The following CPPED1 variants were observed in gnomAD, a reference collection of about 807,000 sequenced individuals.
CPPED1 encodes calcineurin like phosphoesterase domain containing 1.
In CPPED1, 28 loss-of-function variants were observed where a neutral mutation model predicts 28.0. The ratio of observed to expected loss-of-function variants is 1.00; its 90% CI spans 0.74 to 1.37. CPPED1 has a LOEUF of 1.37. Ranked by LOEUF, CPPED1 falls within the 40% of genes most tolerant of loss-of-function variation. CPPED1 has a pLI of 0.00. For synonymous variants in CPPED1, 198 were observed against 180.2 expected, an observed-to-expected ratio of 1.10 and a Z score of -0.79; for missense variants, 504 against 416.5, an observed-to-expected ratio of 1.21 and a Z score of -1.83.
At chr16:12,715,395 C>G (rs2080102070) in intron 2 of CPPED1, among the ~76,000 whole-genome samples, 2 of 152,114 alleles carry the variant, frequency 1.3e-5, no homozygotes, top group South Asian at 4.1e-4. Context: ...TGTGGAGGCT[C>G]ACGTCTGTAA....
intron 2 of CPPED1, among the ~76,000 whole-genome samples, chr16:12,738,727 A>G (rs536241414): frequency 1.3e-5 from 2 of 152,360 alleles, no homozygotes; most frequent in South Asian, 2.1e-4. Context: ...AGCCTACCAT[A>G]CAAGGTCCTG....
Position 12,769,835 on chromosome 16 carries a change from T to C in CPPED1, c.289+11350A>G, listed in dbSNP as rs142185204. ...CATCACTCTCTTGCACGCATAGAAC[T>C]CCCTTTTTATGTTTCTCTGTGTTAA... On this transcript the variant is annotated intron_variant, in intron 2 of 3. Coordinates refer to ENST00000381774, the MANE Select transcript of CPPED1 (RefSeq NM_018340.3). Among the ~76,000 whole-genome samples, 349 of 152,314 alleles carry C rather than the reference T, an allele frequency of 2.3e-3. 2 individuals carry two copies. Among genetic ancestry groups the C allele is most frequent in the African/African-American group, 8.0e-3 (334 of 41,578 alleles).
At chr16:12,751,068 C>T (rs1298584112) in intron 2 of CPPED1, among the ~76,000 whole-genome samples, 2 of 151,506 alleles carry the variant, frequency 1.3e-5, no homozygotes, top group African/African-American at 4.8e-5. Flanking sequence ...TAAAAAAACA[C>T]AGTATCTATA....
At chr16:12,685,213 G>A (rs1256911025) in intron 3 of CPPED1, among the ~76,000 whole-genome samples, 2 of 152,250 alleles carry the variant, frequency 1.3e-5, no homozygotes. Flanking sequence ...CACTTTGGGA[G>A]GCTGAGTGGA....
At chr16:12,686,433 C>CCCTGCTGT (rs1318485163) in intron 3 of CPPED1, among the ~76,000 whole-genome samples, 2 of 152,136 alleles carry the variant, frequency 1.3e-5, no homozygotes, top group Non-Finnish European at 1.5e-5. Flanking sequence ...AACAGAGTTC[C>CCCTGCTGT]CCTGCTGTCC....
chr16:12,710,867 G>A (rs972229473), intron 2 of CPPED1, among the ~76,000 whole-genome samples: 1 of 152,198 alleles, frequency 6.6e-6, no homozygotes, highest in Non-Finnish European at 1.5e-5. Flanking sequence ...GGAGAAAATG[G>A]AAACCTGGTG....
chr16:12,766,047 A>C (rs1450633919), intron 2 of CPPED1, among the ~76,000 whole-genome samples: 3 of 152,028 alleles, frequency 2.0e-5, no homozygotes, highest in African/African-American at 7.3e-5. Flanking sequence ...CAGTCAGCTA[A>C]GCACAAGCTA....
intron 2 of CPPED1, chr16:12,760,434 G>C (rs376105898): frequency 2.6e-5 from 4 of 152,168 alleles, no homozygotes; most frequent in African/African-American, 9.7e-5. Context: ...TGAGATTCTG[G>C]ACAAGATGGA....
At chr16:12,764,032 T>C (rs1305968356) in intron 2 of CPPED1, among the ~76,000 whole-genome samples, 1 of 13,866 alleles carries the variant, frequency 7.2e-5, no homozygotes, top group Non-Finnish European at 1.5e-4. Context: ...CCCATTTGCA[T>C]TTTTTTTTTT....
At chr16:12,790,036 A>C (rs2080587028) in intron 1 of CPPED1, among the ~76,000 whole-genome samples, 1 of 152,206 alleles carries the variant, frequency 6.6e-6, no homozygotes, top group Non-Finnish European at 1.5e-5. Context: ...GGTAATATCA[A>C]GCTAAGGACA....
At chr16:12,776,244 T>C (rs771465292) in intron 2 of CPPED1, among the ~76,000 whole-genome samples, 56 of 152,264 alleles carry the variant, frequency 3.7e-4, no homozygotes, top group African/African-American at 1.3e-3. Context: ...AGAAACGCAG[T>C]TGGCCTCTAG....
At chr16:12,755,512 G>A (rs946791310) in intron 2 of CPPED1, among the ~76,000 whole-genome samples, 1 of 151,838 alleles carries the variant, frequency 6.6e-6, no homozygotes, top group African/African-American at 2.4e-5. Flanking sequence ...TGAACTCCTG[G>A]CCTCAAGCAA....
chr16:12,665,908 G>C (rs2079823024), intron 3 of CPPED1, among the ~76,000 whole-genome samples: 1 of 152,022 alleles, frequency 6.6e-6, no homozygotes, highest in African/African-American at 2.4e-5. Flanking sequence ...CTAGGCAACA[G>C]AGCGAGACTC....
At chr16:12,671,214 A>T (rs1442521660) in intron 3 of CPPED1, among the ~76,000 whole-genome samples, 1 of 152,152 alleles carries the variant, frequency 6.6e-6, no homozygotes, top group Non-Finnish European at 1.5e-5. Flanking sequence ...ATTATATCAG[A>T]ATAATACATT....
intron 3 of CPPED1, among the ~76,000 whole-genome samples, chr16:12,675,684 C>G (rs902500031): frequency 2.6e-5 from 4 of 152,220 alleles, no homozygotes. Flanking sequence ...AACTGGACAG[C>G]CTTTACTTTT....
At chr16:12,783,648 TGAGCTCACTATCACCTTAGAATG>T in intron 1 of CPPED1, among the ~76,000 whole-genome samples, 1 of 152,182 alleles carries the variant, frequency 6.6e-6, no homozygotes, top group South Asian at 2.1e-4. Context: ...CCCATCACAC[TGAGCTCACTATCACCTTAGAATG>T]GACTCTGGTT....
chr16:12,780,659 C>T (rs2080524833), intron 2 of CPPED1, among the ~76,000 whole-genome samples: 1 of 151,526 alleles, frequency 6.6e-6, no homozygotes, highest in Non-Finnish European at 1.5e-5. Flanking sequence ...CCAAGCTGAC[C>T]CCCTAGATCC....
intron 3 of CPPED1, among the ~76,000 whole-genome samples, chr16:12,684,031 G>T (rs553009216): frequency 6.6e-6 from 1 of 152,258 alleles, no homozygotes; most frequent in East Asian, 1.9e-4. Context: ...AAGGGCCAAC[G>T]AAAAGCCTTT....
chr16:12,667,344 T>TA (rs1374694957), intron 3 of CPPED1, among the ~76,000 whole-genome samples: 1 of 152,070 alleles, frequency 6.6e-6, no homozygotes. Context: ...CTAACACCCA[T>TA]AAAAAGATGT....
Sources: allele counts gnomAD v4.1 joint callset (sites outside exome capture counted in the v4.1 genomes callset), GRCh38; gene constraint gnomAD v4.1.1; transcripts MANE v1.5; gene names NCBI Gene and HGNC (gene_info 2026-07-23, HGNC 2026-07-21).